The following CROCC variants were observed in gnomAD, a reference collection of about 807,000 sequenced individuals.
CROCC encodes rootletin.
Under a neutral mutation model 245.2 loss-of-function variants are expected in CROCC, and 180 were observed. The observed-to-expected ratio is 0.73, with a 90% CI of 0.65 to 0.83. CROCC has a LOEUF of 0.83. Ranked by LOEUF, CROCC falls within the 40% of genes least tolerant of loss-of-function variation. CROCC has a pLI of 0.00. For missense variants in CROCC, 2,688 were observed against 2,779.4 expected, an observed-to-expected ratio of 0.97 and a Z score of 0.74; for synonymous variants, 1,205 against 1,241.6, an observed-to-expected ratio of 0.97 and a Z score of 0.62.
chr1:16,969,127 C>G lies in CROCC; in HGVS notation c.5088C>G (p.Ser1696Arg), dbSNP rs193120761. Residue 1696 changes from serine to arginine, a missense_variant, in exon 32 of 37, where the codon AGC becomes AGG. This residue lies in a region of CROCC where 1,218 missense variants were observed against 1,286.3 expected (regional missense o/e 0.95). Coordinates refer to ENST00000375541, the MANE Select transcript of CROCC (RefSeq NM_014675.5). ...TGTCCTCCTGCCAGGTGGCCGACAG[C>G]GAGGTGAAGGCAGGGACCCTGCAGC... ...VDSLQRQVADSEVKAGTLQLT... is the reference protein window; with the variant it reads ...VDSLQRQVADREVKAGTLQLT... 9 of 1,602,106 alleles carry G rather than the reference C, an allele frequency of 5.6e-6. No homozygotes were observed. The East Asian group carries it at 1.3e-4, about 24-fold the overall frequency.
At position 16,953,300 on chromosome 1, in the gene CROCC, A is replaced by T; in HGVS notation, c.3007-2A>T. 1 of 1,578,932 alleles carries T rather than the reference A, an allele frequency of 6.3e-7. No individual in the cohort carries two copies. The highest frequency in any genetic ancestry group is 1.2e-5 in the South Asian group (1 of 86,798). On this transcript the variant is annotated splice_acceptor_variant, in intron 20 of 36. Coordinates refer to ENST00000375541, the MANE Select transcript of CROCC (RefSeq NM_014675.5). LOFTEE classifies it high-confidence loss of function. The stretch of plus-strand genomic sequence containing the variant: ...CACAGGCATCCGGTCCTGGCCCCCT[A>T]GGAGGCAGCATGGCGGGAGCTGGAG...
chr1:16,958,516 C>T, intron 25 of CROCC, 67 bp from the exon 26 acceptor site: 2 of 1,530,512 alleles, frequency 1.3e-6, no homozygotes, highest in Non-Finnish European at 1.8e-6. Context: ...TACCAAGTGG[C>T]CTTGGGCCAG....
At position 16,929,910 on chromosome 1, in the gene CROCC, G is replaced by C. The variant is rs759138411; in HGVS notation, c.416G>C (p.Arg139Pro). Reference sequence around the variant, plus strand: ...ACGCAGGAGCCCAGGGGGCTGGTACGGCAGAGCGTGGAGTTGCGGAGGCAG... The same window carrying C: ...ACGCAGGAGCCCAGGGGGCTGGTACCGCAGAGCGTGGAGTTGCGGAGGCAG... ...LETQEPRGLV[R>P]QSVELRRQLQ... The change falls in exon 4 of 37, where the codon CGG (arginine) becomes CCG (proline). Residue 139 changes from arginine (R) to proline (P), a missense_variant. Transcript: ENST00000375541. 93 of 1,588,556 alleles carry C rather than the reference G, an allele frequency of 5.9e-5. No homozygotes were observed. Among genetic ancestry groups the C allele is most frequent in the Non-Finnish European group, 6.8e-5 (80 of 1,171,052 alleles).
intron 20 of CROCC, chr1:16,951,898 T>G (rs1382430224): frequency 1.2e-5 from 2 of 163,448 alleles, no homozygotes; most frequent in African/African-American, 4.7e-5. Flanking sequence ...TTTTTTTCTT[T>G]TTTCTTTTTT....
upstream of CROCC, among the ~76,000 whole-genome samples, chr1:16,916,987 G>A (rs1415232064): frequency 7.2e-5 from 11 of 152,394 alleles, no homozygotes; most frequent in Admixed American, 2.6e-4. Context: ...GCGCGGTGGC[G>A]CATACCTGTA....
At chr1:16,922,851 C>A in intron 2 of CROCC, 53 bp downstream of exon 2, 1 of 1,583,654 alleles carries the variant, frequency 6.3e-7, no homozygotes, top group Non-Finnish European at 8.6e-7. Flanking sequence ...TTTACCTCTT[C>A]TCATGTCCCT....
intron 21 of CROCC, 177 bp downstream of exon 21, chr1:16,953,658 G>A (rs1230117135): frequency 5.0e-6 from 3 of 596,902 alleles, no homozygotes; most frequent in Middle Eastern, 4.5e-4. Context: ...AGGCTTTGCT[G>A]TGCTCCATGC....
rs1268987797 is a variant in CROCC at position 16,960,907 on chromosome 1, G to A, written c.4182G>A (p.Ala1394=). Reference sequence around the variant, plus strand: ...GCCTGGAGCTGAAGCTGGAGGCGGCGCGGGCCGAGGCTGCAGAGCTGGGCC... The same window carrying A: ...GCCTGGAGCTGAAGCTGGAGGCGGCACGGGCCGAGGCTGCAGAGCTGGGCC... The part of the protein sequence containing the change: ...ARGLELKLEA[A]RAEAAELGLR... The change falls in exon 27 of 37, where the codon GCG becomes GCA. Residue 1394 remains alanine, a synonymous_variant. Coordinates refer to ENST00000375541, the MANE Select transcript of CROCC (RefSeq NM_014675.5). 2.1e-5 allele frequency: 31 copies of A among 1,504,408 alleles called. No homozygotes were observed. The East Asian group carries it at 7.9e-4, about 38-fold the overall frequency. The allele number at this position is 1,504,408 out of a possible 1,614,324, so 93.2% of individuals were successfully genotyped here. A position where few individuals can be genotyped will look rare whatever the true frequency, so the allele number is the denominator to read the frequency against.
chr1:16,969,708 C>T, intron 32 of CROCC, 77 bp from the exon 33 acceptor site: 3 of 1,525,900 alleles, frequency 2.0e-6, no homozygotes, highest in Non-Finnish European at 2.6e-6. Context: ...CTCTGTGGAC[C>T]TGTCCAGAGG....
intron 27 of CROCC, among the ~76,000 whole-genome samples, chr1:16,963,184 A>AG (rs1379756918): frequency 7.5e-6 from 1 of 133,116 alleles, no homozygotes; most frequent in African/African-American, 3.0e-5. Context: ...ACTCCGTCTC[A>AG]GAAAAAAAAA....
At position 16,953,333 on chromosome 1, in the gene CROCC, G is replaced by A. The variant is rs750711172; in HGVS notation, c.3038G>A (p.Arg1013Gln). 14 of 1,599,532 alleles carry A rather than the reference G, an allele frequency of 8.8e-6. No individual in the cohort carries two copies. Among genetic ancestry groups the A allele is most frequent in the African/African-American group, 1.3e-5 (1 of 74,666 alleles). ...EAAWRELEAE[R>Q]AQLQSQLQRE... Reference sequence around the variant, plus strand: ...GCATGGCGGGAGCTGGAGGCCGAGCGGGCCCAGCTGCAGAGTCAGCTGCAG... The same window carrying A: ...GCATGGCGGGAGCTGGAGGCCGAGCAGGCCCAGCTGCAGAGTCAGCTGCAG... Residue 1013 changes from arginine to glutamine, a missense_variant, in exon 21 of 37, where the codon CGG (arginine) becomes CAG (glutamine). Physicochemically the swap from Arg to Gln is conservative, Grantham distance 43 (BLOSUM62 1). Around this residue, in one of 9 missense-constraint regions of CROCC, gnomAD observed 106 missense variants for 126.1 expected, o/e 0.84. Coordinates refer to ENST00000375541, the MANE Select transcript of CROCC (RefSeq NM_014675.5).
upstream of CROCC, among the ~76,000 whole-genome samples, chr1:16,921,791 C>T (rs2075410403): frequency 6.6e-6 from 1 of 152,248 alleles, no homozygotes; most frequent in Non-Finnish European, 1.5e-5. Context: ...CCTTCCTCTT[C>T]CTTTGGCTCC....
intron 12 of CROCC, 80 bp downstream of exon 12, chr1:16,939,222 G>GGGGGCT (rs1276301706): frequency 2.5e-5 from 31 of 1,229,504 alleles, no homozygotes; most frequent in South Asian, 5.6e-5. Context: ...GGGCGGGGGC[G>GGGGGCT]GGGGCAGGTC....
At chr1:16,924,549 A>G (rs1445460841) in intron 3 of CROCC, 70 bp downstream of exon 3, 2 of 1,560,002 alleles carry the variant, frequency 1.3e-6, no homozygotes, top group Non-Finnish European at 1.7e-6. Context: ...CATCTAGACC[A>G]GGCCCACACA....
chr1:16,971,363 C>A, intron 35 of CROCC, 102 bp from the exon 36 acceptor site: 6 of 1,425,876 alleles, frequency 4.2e-6, no homozygotes, highest in Non-Finnish European at 5.5e-6. Flanking sequence ...TGCCTTCCCC[C>A]TCTGCACTGG....
Position 16,939,887 on chromosome 1 carries a change from A to AC in CROCC, c.1609-3dup. ...CCCCCCAGACTCTGTGACCCCCCAC[A>AC]CCCCAGGACATGCGTGGGCGCTATG... On this transcript the variant is annotated splice_region_variant and splice_polypyrimidine_tract_variant and intron_variant, in intron 12 of 36. Coordinates refer to ENST00000375541, the MANE Select transcript of CROCC (RefSeq NM_014675.5). 6.2e-7 allele frequency: 1 copy of AC among 1,611,548 alleles called. No individual in the cohort carries two copies.
Position 16,936,978 on chromosome 1 carries a change from C to G in CROCC, c.1193+105C>G, listed in dbSNP as rs2075805196. ...TGTTCACTAGGGGAAGGGCCTTCCT[C>G]TGTGAGCTCAGCCAGTCTTCCCATG... On this transcript the variant is annotated intron_variant, in intron 9 of 36. Transcript: ENST00000375541. The G allele has an allele frequency of 4.2e-6, 5 of 1,202,400 alleles. No individual in the cohort carries two copies. The East Asian group carries it at 1.2e-4, about 28-fold the overall frequency. 74.5% of individuals were successfully genotyped at this position (1,202,400 alleles called of 1,614,324 possible).
In CROCC at chr1:16,968,414, G is replaced by A; in HGVS notation, c.5072G>A (p.Arg1691Lys). The change falls in exon 31 of 37, where the codon AGA becomes AAA. Residue 1691 changes from arginine (R) to lysine (K), a missense_variant. Physicochemically the swap from Arg to Lys is conservative, Grantham distance 26. Coordinates refer to ENST00000375541, the MANE Select transcript of CROCC (RefSeq NM_014675.5). ...ALQDRVDSLQ[R>K]QVADSEVKAG... ...CAGGATCGGGTGGATTCCCTGCAGA[G>A]ACAGGTGGGCCCCTCCCCAAATCAC... 1 of 1,479,834 alleles carries A rather than the reference G, an allele frequency of 6.8e-7. No individual in the cohort carries two copies. The highest frequency in any genetic ancestry group is 9.0e-7 in the Non-Finnish European group (1 of 1,114,946). 91.7% of individuals were successfully genotyped at this position (1,479,834 alleles called of 1,614,324 possible).
chr1:16,938,564 A>T, intron 11 of CROCC, 81 bp downstream of exon 11: 1 of 1,308,106 alleles, frequency 7.6e-7, no homozygotes, highest in South Asian at 1.3e-5. Flanking sequence ...GTGACCTGGG[A>T]CTGAACTGCA....
Sources: gnomAD v4.1 joint callset for allele counts (sites outside exome capture counted in the v4.1 genomes callset) on GRCh38, gnomAD v4.1.1 for gene constraint, gnomAD v4.1.1 regional missense constraint, MANE v1.5 for transcripts, NCBI Gene and HGNC (gene_info 2026-07-23, HGNC 2026-07-21) for gene names.